MAP2K4: variants seen among roughly 807,000 people sequenced by gnomAD.
MAP2K4 encodes mitogen-activated protein kinase kinase 4.
A neutral mutation model predicts 48.5 loss-of-function variants in MAP2K4; 4 were observed. The observed-to-expected ratio is 0.08, with a 90% CI of 0.04 to 0.19. The LOEUF is 0.19. Ranked by LOEUF, MAP2K4 falls within the 10% of genes least tolerant of loss-of-function variation. MAP2K4 has a pLI of 1.00. For missense variants in MAP2K4, 258 were observed against 493.3 expected, an observed-to-expected ratio of 0.52 and a Z score of 4.52; for synonymous variants, 166 against 173.1, an observed-to-expected ratio of 0.96 and a Z score of 0.32.
intron 4 of MAP2K4, among the ~76,000 whole-genome samples, chr17:12,103,942 A>AT (rs940090392): frequency 6.6e-6 from 1 of 151,874 alleles, no homozygotes; most frequent in Non-Finnish European, 1.5e-5. Flanking sequence ...ATTGCTTCTC[A>AT]TTTTTTTATA....
intron 2 of MAP2K4, among the ~76,000 whole-genome samples, chr17:12,061,350 T>C (rs569403078): frequency 6.6e-6 from 1 of 152,318 alleles, no homozygotes; most frequent in African/African-American, 2.4e-5. Context: ...TTCAGTCTTA[T>C]CTTTAGTCCC....
At chr17:12,133,300 T>A (rs1973093652) in intron 9 of MAP2K4, among the ~76,000 whole-genome samples, 1 of 152,184 alleles carries the variant, frequency 6.6e-6, no homozygotes, top group African/African-American at 2.4e-5. Flanking sequence ...CAGGCTGGTC[T>A]TGAACTGCTG....
intron 1 of MAP2K4, among the ~76,000 whole-genome samples, chr17:12,025,323 C>T (rs1367925690): frequency 6.6e-6 from 1 of 152,134 alleles, no homozygotes; most frequent in Admixed American, 6.5e-5. Flanking sequence ...GAATCACATT[C>T]TTAATGCATG....
At chr17:12,048,315 A>G (rs929740245) in intron 1 of MAP2K4, among the ~76,000 whole-genome samples, 2 of 152,228 alleles carry the variant, frequency 1.3e-5, no homozygotes, top group Admixed American at 1.3e-4. Context: ...TGTGTAAATT[A>G]TTATATTGGG....
At chr17:12,037,116 T>G (rs1969625413) in intron 1 of MAP2K4, among the ~76,000 whole-genome samples, 2 of 152,200 alleles carry the variant, frequency 1.3e-5, no homozygotes, top group African/African-American at 2.4e-5. Context: ...GCTATTATTC[T>G]GGATGCTACG....
intron 1 of MAP2K4, among the ~76,000 whole-genome samples, chr17:12,053,188 T>A (rs1943943277): frequency 6.6e-6 from 1 of 152,100 alleles, no homozygotes; most frequent in African/African-American, 2.4e-5. Context: ...AAAACCTTTT[T>A]TTTTGTATAT....
In MAP2K4 at chr17:12,113,243, T is replaced by G. The variant is rs995228713; in HGVS notation, c.696T>G (p.Pro232=). 14 of 1,613,428 alleles carry G rather than the reference T, an allele frequency of 8.7e-6. No homozygotes were observed. The highest frequency in any genetic ancestry group is 1.2e-5 in the Non-Finnish European group (14 of 1,179,592). ...NLKIIHRDIK[P]SNILLDRSGN... Reference sequence around the variant, plus strand: ...ATCTATGTCTTGCAGATATCAAACCTTCCAATATTCTTCTGGACAGAAGTG... The same window carrying G: ...ATCTATGTCTTGCAGATATCAAACCGTCCAATATTCTTCTGGACAGAAGTG... The change falls in exon 7 of 11, where the codon CCT becomes CCG. Residue 232 remains proline, a synonymous_variant. Transcript: ENST00000353533.
intron 1 of MAP2K4, among the ~76,000 whole-genome samples, chr17:12,037,880 A>G (rs1002907717): frequency 4.6e-5 from 7 of 152,106 alleles, no homozygotes; most frequent in African/African-American, 1.7e-4. Flanking sequence ...ACCATTACAA[A>G]GGGAATGTTG....
chr17:12,080,640 T>G (rs1425174738), intron 2 of MAP2K4, among the ~76,000 whole-genome samples: 1 of 152,176 alleles, frequency 6.6e-6, no homozygotes, highest in Non-Finnish European at 1.5e-5. Context: ...GAATAGCACA[T>G]GGCAATTTTC....
intron 7 of MAP2K4, among the ~76,000 whole-genome samples, chr17:12,119,238 A>G (rs1972598136): frequency 6.6e-6 from 1 of 152,242 alleles, no homozygotes; most frequent in Non-Finnish European, 1.5e-5. Context: ...AAATATTTAC[A>G]AATAACTATG....
At chr17:12,021,268 G>T (rs2151501549) in intron 1 of MAP2K4, 1 of 246,502 alleles carries the variant, frequency 4.1e-6, no homozygotes. Flanking sequence ...GGCCCGCAGG[G>T]CCCACCTGGT....
At chr17:12,129,060 G>A in intron 8 of MAP2K4, 79 bp from the exon 9 acceptor site, 2 of 1,440,110 alleles carry the variant, frequency 1.4e-6, no homozygotes, top group Non-Finnish European at 1.9e-6. Context: ...TTGTAGTTTA[G>A]ATTTTTTTGT....
intron 9 of MAP2K4, among the ~76,000 whole-genome samples, chr17:12,134,866 T>G (rs1973153313): frequency 2.0e-5 from 3 of 152,194 alleles, no homozygotes; most frequent in Admixed American, 2.0e-4. Flanking sequence ...TGGACAACAC[T>G]TGCACTGAAA....
chr17:12,084,042 A>G (rs547439855), intron 3 of MAP2K4, among the ~76,000 whole-genome samples: 23 of 152,336 alleles, frequency 1.5e-4, no homozygotes, highest in African/African-American at 5.1e-4. Flanking sequence ...TTTACTTGCA[A>G]TATCTGTAGA....
At chr17:12,087,695 T>C (rs569169536) in intron 3 of MAP2K4, among the ~76,000 whole-genome samples, 41 of 152,278 alleles carry the variant, frequency 2.7e-4, no homozygotes, top group African/African-American at 9.9e-4. Flanking sequence ...TTGAATGATT[T>C]TTGCAATTAA....
intron 2 of MAP2K4, among the ~76,000 whole-genome samples, chr17:12,060,976 T>G (rs888564308): frequency 1.3e-5 from 2 of 152,124 alleles, no homozygotes; most frequent in Non-Finnish European, 2.9e-5. Context: ...GTCCTTATTC[T>G]CCCTTCCTTC....
At chr17:12,022,406 G>A (rs1301696588) in intron 1 of MAP2K4, among the ~76,000 whole-genome samples, 1 of 152,148 alleles carries the variant, frequency 6.6e-6, no homozygotes, top group Non-Finnish European at 1.5e-5. Flanking sequence ...ACATTATACT[G>A]ATGAAGTATA....
At chr17:12,082,535 T>C (rs1461608133) in intron 3 of MAP2K4, among the ~76,000 whole-genome samples, 1 of 152,240 alleles carries the variant, frequency 6.6e-6, no homozygotes, top group Non-Finnish European at 1.5e-5. Context: ...CCTTAGTTTT[T>C]TCTTGACATT....
chr17:12,065,821 G>T lies in MAP2K4; in HGVS notation c.218+10830G>T, dbSNP rs140051047. On this transcript the variant is annotated intron_variant, in intron 2 of 10. Coordinates refer to ENST00000353533, the MANE Select transcript of MAP2K4 (RefSeq NM_003010.4). ...CTGTCCTTGTTCTCAAAGCACCTAT[G>T]TATTTCGACAATTTAGATGACTTGA... Among the ~76,000 whole-genome samples the T allele has an allele frequency of 1.4e-4, 21 of 152,302 alleles. No individual in the cohort carries two copies. In the East Asian group the frequency reaches 3.9e-3, roughly 28 times the overall value.
Sources: allele counts gnomAD v4.1 joint callset (sites outside exome capture counted in the v4.1 genomes callset), GRCh38; gene constraint gnomAD v4.1.1; transcripts MANE v1.5; gene names NCBI Gene and HGNC (gene_info 2026-07-23, HGNC 2026-07-21).